The following RABGEF1 variants were observed in gnomAD, a reference collection of about 807,000 sequenced individuals.
RABGEF1 encodes the protein rab5 GDP/GTP exchange factor.
In RABGEF1, 26 loss-of-function variants were observed where a neutral mutation model predicts 57.3. The observed-to-expected ratio is 0.45, with a 90% confidence interval of 0.33 to 0.63. The LOEUF is 0.63. RABGEF1 is among the 20% of genes least tolerant of loss of function. The pLI is 0.02. For synonymous variants in RABGEF1, 185 were observed against 210.7 expected, an observed-to-expected ratio of 0.88 and a Z score of 1.06; for missense variants, 464 against 607.6, an observed-to-expected ratio of 0.76 and a Z score of 2.48.
the RABGEF1 span, among the ~76,000 whole-genome samples, chr7:66,673,668 G>T: frequency 6.6e-6 from 1 of 151,300 alleles, no homozygotes; most frequent in Non-Finnish European, 1.5e-5. Context: ...GCATTATCTT[G>T]GGGTTTACTC....
chr7:66,789,726 T>C (rs1384720491), intron 4 of RABGEF1, among the ~76,000 whole-genome samples: 2 of 147,782 alleles, frequency 1.4e-5, no homozygotes, highest in Non-Finnish European at 1.5e-5. Context: ...TTGATAATTA[T>C]GTTGAGTGAG....
At position 66,805,124 on chromosome 7, in the gene RABGEF1, CTT is replaced by C; in HGVS notation, c.821-13_821-12del. ...ATTCTTTTCTCCTGGGAAATATTGT[CTT>C]TTCTGCTTTGTAGATATCATTGAAA... On this transcript the variant is annotated splice_polypyrimidine_tract_variant and intron_variant, in intron 7 of 8. Transcript: ENST00000284957. The C allele has an allele frequency of 1.3e-6, 2 of 1,576,370 alleles. No homozygotes were observed. Among genetic ancestry groups the C allele is most frequent in the South Asian group, 2.2e-5 (2 of 90,294 alleles).
chr7:66,749,345 T>A (rs535673590), intron 1 of RABGEF1, among the ~76,000 whole-genome samples: 38 of 152,352 alleles, frequency 2.5e-4, no homozygotes, highest in African/African-American at 8.4e-4. Context: ...TGGGTGAAAC[T>A]GCCCTTGCCT....
At chr7:66,658,323 A>G in the RABGEF1 span, among the ~76,000 whole-genome samples, 1 of 152,172 alleles carries the variant, frequency 6.6e-6, no homozygotes, top group Admixed American at 6.5e-5. Context: ...ACCTGAGATC[A>G]GGAGTTCAAG....
intron 6 of RABGEF1, 26 bp from the exon 7 acceptor site, chr7:66,799,297 C>G: frequency 1.9e-6 from 3 of 1,552,172 alleles, no homozygotes; most frequent in Non-Finnish European, 2.7e-6. Flanking sequence ...CCTTGGAGCT[C>G]TTGTTTACTG....
At chr7:66,760,197 G>T (rs922355749) in intron 1 of RABGEF1, among the ~76,000 whole-genome samples, 3 of 152,092 alleles carry the variant, frequency 2.0e-5, no homozygotes, top group Non-Finnish European at 4.4e-5. Flanking sequence ...CCTTGCCTTC[G>T]ACACTCTTAA....
In RABGEF1 at chr7:66,747,551, G is replaced by A. The variant is rs1370317536; in HGVS notation, c.-18+6759G>A. 2.6e-5 allele frequency among the ~76,000 whole-genome samples: 4 copies of A among 152,140 alleles called. No individual in the cohort carries two copies. In the East Asian group the frequency reaches 5.8e-4, roughly 22 times the overall value. ...CTAAAATTAAAAATCGCTTTTGGGGGATTTTCACATAGGGGTATATTTATA... is the reference window on the plus strand; with the variant it reads ...CTAAAATTAAAAATCGCTTTTGGGGAATTTTCACATAGGGGTATATTTATA... On this transcript the variant is annotated intron_variant, in intron 1 of 8. Coordinates refer to ENST00000284957, the MANE Select transcript of RABGEF1 (RefSeq NM_014504.3).
At chr7:66,775,655 C>T (rs1274948261) in intron 3 of RABGEF1, among the ~76,000 whole-genome samples, 1 of 152,150 alleles carries the variant, frequency 6.6e-6, no homozygotes, top group African/African-American at 2.4e-5. Flanking sequence ...TGAAATTCAT[C>T]CCCATCCAAA....
intron 1 of RABGEF1, among the ~76,000 whole-genome samples, chr7:66,746,982 C>T (rs758262815): frequency 2.0e-5 from 3 of 151,900 alleles, no homozygotes; most frequent in East Asian, 3.9e-4. Flanking sequence ...TTAGTAGAGA[C>T]GGGGTTTCAC....
At chr7:66,773,690 G>C in intron 2 of RABGEF1, 1 of 454,016 alleles carries the variant, frequency 2.2e-6, no homozygotes, top group South Asian at 1.6e-5. Context: ...TTTTGAGACA[G>C]GGTCTTGCTC....
At chr7:66,729,638 C>T (rs147927778) in intron 2 of RABGEF1, among the ~76,000 whole-genome samples, 1 of 152,316 alleles carries the variant, frequency 6.6e-6, no homozygotes, top group East Asian at 1.9e-4. Flanking sequence ...ATTCTCACTT[C>T]CACTGTCTTC....
chr7:66,784,202 G>GGTT, intron 4 of RABGEF1, among the ~76,000 whole-genome samples: 1 of 152,132 alleles, frequency 6.6e-6, no homozygotes, highest in Non-Finnish European at 1.5e-5. Flanking sequence ...TAATTTTAAG[G>GGTT]GTTGTTGTTG....
chr7:66,804,738 GAA>G (rs35870963), intron 7 of RABGEF1, among the ~76,000 whole-genome samples: 178 of 105,550 alleles, frequency 1.7e-3, no homozygotes, highest in South Asian at 0.013. Context: ...AACTCAGTCT[GAA>G]AAAAAAAAAA....
At chr7:66,684,176 T>C (rs1222231697) in intron 1 of RABGEF1, among the ~76,000 whole-genome samples, 1 of 152,186 alleles carries the variant, frequency 6.6e-6, no homozygotes, top group Non-Finnish European at 1.5e-5. Flanking sequence ...CTAGCTGCGG[T>C]GGCTTATGCC....
chr7:66,740,241 A>C (rs2129046135), upstream of RABGEF1: 1 of 152,788 alleles, frequency 6.5e-6, no homozygotes, highest in African/African-American at 2.4e-5. Flanking sequence ...CTAAAGATTC[A>C]GCTGCTTTTG....
At chr7:66,734,704 A>C (rs982935165) in intron 2 of RABGEF1, among the ~76,000 whole-genome samples, 3 of 149,934 alleles carry the variant, frequency 2.0e-5, no homozygotes, top group Non-Finnish European at 4.4e-5. Context: ...AACTGCTGGG[A>C]TTACAGGTGT....
At chr7:66,662,895 G>T in the RABGEF1 span, among the ~76,000 whole-genome samples, 1 of 151,610 alleles carries the variant, frequency 6.6e-6, no homozygotes. Context: ...GTGTGTGCAG[G>T]TGTGCATGTG....
intron 1 of RABGEF1, among the ~76,000 whole-genome samples, chr7:66,698,401 A>G (rs1037798033): frequency 3.3e-5 from 5 of 152,132 alleles, no homozygotes; most frequent in African/African-American, 1.2e-4. Flanking sequence ...GCAGCCCACG[A>G]AAGAGAGTCA....
At chr7:66,747,175 A>G (rs1562776384) in intron 1 of RABGEF1, among the ~76,000 whole-genome samples, 1 of 152,186 alleles carries the variant, frequency 6.6e-6, no homozygotes, top group Non-Finnish European at 1.5e-5. Flanking sequence ...CATTATTATG[A>G]TCAATTAATT....
Sources: allele counts gnomAD v4.1 joint callset (sites outside exome capture counted in the v4.1 genomes callset), GRCh38; gene constraint gnomAD v4.1.1; transcripts MANE v1.5; gene names NCBI Gene and HGNC (gene_info 2026-07-23, HGNC 2026-07-21).